RDH10: variants seen among roughly 807,000 people sequenced by gnomAD.
RDH10 encodes retinol dehydrogenase 10.
A neutral mutation model predicts 30.2 loss-of-function variants in RDH10; 12 were observed. That is an observed-to-expected ratio of 0.40 (90% CI 0.25 to 0.64). The LOEUF is 0.64. RDH10 is among the 30% of genes least tolerant of loss of function. The probability of loss-of-function intolerance (pLI) is 0.43; values close to 1 mark genes in which losing one functional copy is unlikely to be tolerated. For missense variants in RDH10, 268 were observed against 445.2 expected, an observed-to-expected ratio of 0.60 and a Z score of 3.58; for synonymous variants, 189 against 172.2, an observed-to-expected ratio of 1.10 and a Z score of -0.76.
intron 2 of RDH10, among the ~76,000 whole-genome samples, chr8:73,301,555 C>T (rs1050838980): frequency 8.0e-5 from 12 of 150,932 alleles, no homozygotes; most frequent in South Asian, 2.1e-4. Flanking sequence ...GTCAGGAGTT[C>T]GAGACCAGCC....
rs563952870 is a variant in RDH10, at chr8:73,322,680, A to G, written c.772A>G (p.Lys258Glu). ...TGMFRGCRIRKEIEPFLPPLK... is the reference protein window; with the variant it reads ...TGMFRGCRIREEIEPFLPPLK... ...TGTTTTTGAATAAATAACTTTCAGG[A>G]AAGAAATTGAGCCTTTTCTGCCACC... Residue 258 changes from lysine (K) to glutamate (E), a missense_variant and splice_region_variant, in exon 5 of 6, where the codon AAA becomes GAA. Lys to Glu is a moderately conservative substitution (Grantham distance 56, BLOSUM62 1). Transcript: ENST00000240285. 5.0e-6 allele frequency: 8 copies of G among 1,607,138 alleles called. No homozygotes were observed. In the East Asian group the frequency reaches 1.8e-4, roughly 36 times the overall value.
intron 2 of RDH10, chr8:73,312,339 T>A (rs1256415768): frequency 6.6e-6 from 1 of 152,186 alleles, no homozygotes; most frequent in Non-Finnish European, 1.5e-5. Context: ...CACAGGACAA[T>A]GAATAAAACA....
rs1814224190 is a variant in RDH10, at chr8:73,294,877, G to T, written c.-413G>T. 2 of 393,194 alleles carry T rather than the reference G, an allele frequency of 5.1e-6. No homozygotes were observed. The highest frequency in any genetic ancestry group is 2.6e-4 in the South Asian group (2 of 7,814). The allele number at this position is 393,194 out of a possible 1,614,324, so 24.4% of individuals were successfully genotyped here. On this transcript the variant is annotated 5_prime_UTR_variant, in exon 1 of 6. Transcript: ENST00000240285. ...CGCCTCCGCTGCGCACCCCTCCCCCGGGGTGAGAGGGAGCCGGCGCGCCGG... is the reference window on the plus strand; with the variant it reads ...CGCCTCCGCTGCGCACCCCTCCCCCTGGGTGAGAGGGAGCCGGCGCGCCGG...
chr8:73,305,155 C>G (rs1814445659), intron 2 of RDH10, among the ~76,000 whole-genome samples: 1 of 152,234 alleles, frequency 6.6e-6, no homozygotes, highest in Non-Finnish European at 1.5e-5. Flanking sequence ...CTTAGCCATT[C>G]ATTGCAGGAT....
At chr8:73,315,605 C>A (rs1422719889) in intron 2 of RDH10, 1 of 455,704 alleles carries the variant, frequency 2.2e-6, no homozygotes, top group Non-Finnish European at 4.4e-6. Flanking sequence ...TCATTTAATA[C>A]CTGCAGGCAA....
intron 4 of RDH10, chr8:73,321,622 C>A (rs932722556): frequency 7.1e-5 from 25 of 351,332 alleles, no homozygotes; most frequent in African/African-American, 5.4e-4. Flanking sequence ...AATAAAATAC[C>A]CACACACATA....
chr8:73,296,770 T>G (rs1814273561), intron 1 of RDH10, among the ~76,000 whole-genome samples: 1 of 152,206 alleles, frequency 6.6e-6, no homozygotes, highest in Non-Finnish European at 1.5e-5. Context: ...GAGTTTCCAT[T>G]TTGAGGGTTC....
At chr8:73,300,853 A>G (rs1814360242) in intron 2 of RDH10, among the ~76,000 whole-genome samples, 1 of 152,196 alleles carries the variant, frequency 6.6e-6, no homozygotes, top group Non-Finnish European at 1.5e-5. Context: ...AAGAATCCAG[A>G]GACCTTCTTG....
chr8:73,309,319 T>C (rs1334515690), intron 2 of RDH10, among the ~76,000 whole-genome samples: 3 of 152,288 alleles, frequency 2.0e-5, no homozygotes, highest in Middle Eastern at 3.4e-3. Context: ...ATGGAAGGAA[T>C]GGTGTCTCAT....
In RDH10 at chr8:73,307,382, AC is replaced by A. The variant is rs913935972; in HGVS notation, c.525+9955del. On this transcript the variant is annotated intron_variant, in intron 2 of 5. Coordinates refer to ENST00000240285, the MANE Select transcript of RDH10 (RefSeq NM_172037.5). ...GGACTAGGAGCCATACATAGTAAGA[AC>A]CAGGACTTGCAGGAACTTAAGGAAA... Among the ~76,000 whole-genome samples, 81 of 152,352 alleles carry A rather than the reference AC, an allele frequency of 5.3e-4. 1 individual carries two copies. Among genetic ancestry groups the A allele is most frequent in the Non-Finnish European group, 2.4e-4 (16 of 68,038 alleles).
At chr8:73,301,446 GTTCTGAAGTTTTAAAAGGTAAGCATTA>G (rs1814373378) in intron 2 of RDH10, among the ~76,000 whole-genome samples, 1 of 151,870 alleles carries the variant, frequency 6.6e-6, no homozygotes, top group Admixed American at 6.6e-5. Flanking sequence ...ATGGGTCTAT[GTTCTGAAGTTTTAAAAGGTAAGCATTA>G]TGGGCTGGGC....
intron 2 of RDH10, among the ~76,000 whole-genome samples, chr8:73,302,731 A>G (rs1814401239): frequency 6.6e-6 from 1 of 152,210 alleles, no homozygotes; most frequent in Non-Finnish European, 1.5e-5. Flanking sequence ...ACTTTGAAAT[A>G]TGGAAAGTTG....
intron 4 of RDH10, chr8:73,322,440 CATCTTATGGAAA>C: frequency 2.3e-6 from 1 of 443,816 alleles, no homozygotes; most frequent in Non-Finnish European, 4.0e-6. Context: ...ATGACTTTTT[CATCTTATGGAAA>C]AGCAGACCAA....
intron 2 of RDH10, among the ~76,000 whole-genome samples, chr8:73,304,487 T>C (rs997470839): frequency 9.2e-5 from 14 of 152,354 alleles, no homozygotes; most frequent in Middle Eastern, 3.4e-3. Context: ...TTGAGTTTGT[T>C]ATCTGCCTGC....
At position 73,295,146 on chromosome 8, in the gene RDH10, G is replaced by A. The variant is rs1814235661; in HGVS notation, c.-144G>A. ...GAGCGGCGCCGCGCACTCCAACCCG[G>A]CGGGCACCTCGGGGGCGGGCGCGGG... On this transcript the variant is annotated 5_prime_UTR_variant, in exon 1 of 6. Coordinates refer to ENST00000240285, the MANE Select transcript of RDH10 (RefSeq NM_172037.5). 5.6e-6 allele frequency: 4 copies of A among 714,800 alleles called. No individual in the cohort carries two copies. Among genetic ancestry groups the A allele is most frequent in the Non-Finnish European group, 6.2e-6 (3 of 485,628 alleles). 44.3% of individuals were successfully genotyped at this position (714,800 alleles called of 1,614,324 possible).
At chr8:73,318,305 C>T (rs1343010515) in intron 2 of RDH10, among the ~76,000 whole-genome samples, 1 of 151,994 alleles carries the variant, frequency 6.6e-6, no homozygotes, top group African/African-American at 2.4e-5. Context: ...ATCGGCGCCA[C>T]CTCTGATTTT....
chr8:73,322,198 G>A (rs1253014621), intron 4 of RDH10: 5 of 352,802 alleles, frequency 1.4e-5, no homozygotes, highest in Admixed American at 7.6e-5. Flanking sequence ...TCATTTCAGG[G>A]GCCCCTAGAG....
At chr8:73,297,119 G>T in intron 1 of RDH10, 75 bp from the exon 2 acceptor site, 2 of 838,266 alleles carry the variant, frequency 2.4e-6, no homozygotes, top group East Asian at 2.5e-5. Flanking sequence ...TTGTCCTACT[G>T]ATCGCCATGT....
intron 2 of RDH10, among the ~76,000 whole-genome samples, chr8:73,315,129 CT>C (rs1401909293): frequency 6.6e-6 from 1 of 150,522 alleles, no homozygotes; most frequent in Non-Finnish European, 1.5e-5. Flanking sequence ...CTCTCCCTTC[CT>C]CTCCCCACCG....
Sources: allele counts gnomAD v4.1 joint callset (sites outside exome capture counted in the v4.1 genomes callset), GRCh38; gene constraint gnomAD v4.1.1; transcripts MANE v1.5; gene names NCBI Gene and HGNC (gene_info 2026-07-23, HGNC 2026-07-21).